The following NOL4 variants were observed in gnomAD, a reference collection of about 807,000 sequenced individuals.
NOL4 encodes nucleolar protein 4.
A neutral mutation model predicts 75.9 loss-of-function variants in NOL4; 17 were observed. The ratio of observed to expected loss-of-function variants is 0.22; its 90% CI spans 0.15 to 0.34. The LOEUF (loss-of-function observed/expected upper bound fraction) is 0.34. NOL4 is among the 10% of genes least tolerant of loss of function. The pLI is 1.00. For missense variants in NOL4, 614 were observed against 793.5 expected (o/e 0.77, Z 2.72); for synonymous variants, 292 against 289.9 (o/e 1.01, Z -0.07).
chr18:33,900,237 A>G (rs1003250927), intron 9 of NOL4, among the ~76,000 whole-genome samples: 10 of 152,126 alleles, frequency 6.6e-5, no homozygotes, highest in African/African-American at 2.4e-4. Flanking sequence ...AGGAGGTACA[A>G]GGCTCTTAAA....
At chr18:34,202,125 C>A (rs1465337585) in intron 1 of NOL4, among the ~76,000 whole-genome samples, 1 of 151,642 alleles carries the variant, frequency 6.6e-6, no homozygotes, top group South Asian at 2.1e-4. Context: ...TTTGTATTGA[C>A]CTAAAAGAAA....
chr18:34,149,899 C>A (rs1331280113), intron 1 of NOL4, among the ~76,000 whole-genome samples: 2 of 151,582 alleles, frequency 1.3e-5, no homozygotes, highest in Non-Finnish European at 3.0e-5. Context: ...ATTTATACCT[C>A]TATAACCTGG....
At chr18:34,204,778 C>A (rs1045902971) in intron 1 of NOL4, among the ~76,000 whole-genome samples, 17 of 151,738 alleles carry the variant, frequency 1.1e-4, no homozygotes, top group African/African-American at 3.9e-4. Context: ...GGTGACAATA[C>A]TAAGTAAAAA....
chr18:34,188,115 C>T (rs1361343740), intron 1 of NOL4, among the ~76,000 whole-genome samples: 2 of 152,140 alleles, frequency 1.3e-5, no homozygotes, highest in African/African-American at 4.8e-5. Flanking sequence ...CACTGTGTAT[C>T]CATGTTAATT....
intron 4 of NOL4, among the ~76,000 whole-genome samples, chr18:34,093,818 T>C (rs2078639971): frequency 6.6e-6 from 1 of 152,138 alleles, no homozygotes; most frequent in African/African-American, 2.4e-5. Flanking sequence ...GGAGGGCAGA[T>C]CACGAGGTCA....
chr18:34,048,058 C>T (rs1568271392), intron 5 of NOL4, among the ~76,000 whole-genome samples: 2 of 152,048 alleles, frequency 1.3e-5, no homozygotes, highest in Non-Finnish European at 2.9e-5. Context: ...AATTTCATCA[C>T]TTTTGGTGTT....
intron 5 of NOL4, among the ~76,000 whole-genome samples, chr18:34,042,094 T>C (rs2076166872): frequency 6.6e-6 from 1 of 152,014 alleles, no homozygotes; most frequent in Non-Finnish European, 1.5e-5. Context: ...GTTCTGAATA[T>C]ACTTTAGTAA....
At chr18:33,903,509 G>A (rs1599811324) in intron 9 of NOL4, among the ~76,000 whole-genome samples, 2 of 152,158 alleles carry the variant, frequency 1.3e-5, no homozygotes, top group South Asian at 4.1e-4. Flanking sequence ...TCTAAAGAAG[G>A]CACTCACTCC....
At chr18:33,968,767 G>A (rs563609508) in intron 6 of NOL4, among the ~76,000 whole-genome samples, 10 of 152,034 alleles carry the variant, frequency 6.6e-5, no homozygotes, top group South Asian at 2.1e-4. Flanking sequence ...CATGTACCCC[G>A]GGAATCTAAT....
At chr18:34,099,896 G>A (rs1012738989) in intron 4 of NOL4, among the ~76,000 whole-genome samples, 1 of 152,014 alleles carries the variant, frequency 6.6e-6, no homozygotes. Flanking sequence ...ACATAGAGAT[G>A]AGCAATTATT....
intron 10 of NOL4, among the ~76,000 whole-genome samples, chr18:33,865,572 T>C (rs185324878): frequency 6.6e-6 from 1 of 152,088 alleles, no homozygotes; most frequent in East Asian, 1.9e-4. Context: ...AAAAAAAAAC[T>C]ACATTTTATT....
Position 34,223,030 on chromosome 18 carries a change from C to A in NOL4, c.224G>T (p.Gly75Val), listed in dbSNP as rs781459896. Residue 75 changes from glycine (G) to valine (V), a missense_variant, in exon 1 of 11, where the codon GGC becomes GTC. By Grantham distance (109) the Gly-to-Val change is moderately radical. Coordinates refer to ENST00000261592, the MANE Select transcript of NOL4 (RefSeq NM_003787.5). Reference sequence around the variant, plus strand: ...CACGTAGAGCACTTGCTTGGCGCCGCCGCCTCCCCCGCGGACCTCGTCCGG... The same window carrying A: ...CACGTAGAGCACTTGCTTGGCGCCGACGCCTCCCCCGCGGACCTCGTCCGG... Reference protein sequence around the residue: ...GQPDEVRGGGGGAKQVLYVPV... With the variant: ...GQPDEVRGGGVGAKQVLYVPV... The A allele has an allele frequency of 9.9e-6, 16 of 1,612,720 alleles. No homozygotes were observed. The East Asian group carries it at 3.3e-4, about 34-fold the overall frequency.
chr18:34,088,265 G>A (rs1445344551), intron 5 of NOL4, among the ~76,000 whole-genome samples: 2 of 151,970 alleles, frequency 1.3e-5, no homozygotes, highest in Non-Finnish European at 2.9e-5. Context: ...TCTTTTGCCA[G>A]ATATTTTTTA....
intron 6 of NOL4, among the ~76,000 whole-genome samples, chr18:34,012,173 T>G (rs1057301812): frequency 2.6e-5 from 4 of 151,874 alleles, no homozygotes; most frequent in Admixed American, 2.0e-4. Flanking sequence ...AAAAGGACAC[T>G]GATTTGGGTG....
intron 9 of NOL4, among the ~76,000 whole-genome samples, chr18:33,887,377 G>A (rs1019691667): frequency 6.7e-6 from 1 of 150,360 alleles, no homozygotes; most frequent in Non-Finnish European, 1.5e-5. Flanking sequence ...TTTTAATTCT[G>A]AAAGTTATTC....
At chr18:34,140,527 G>A (rs910555148) in intron 1 of NOL4, among the ~76,000 whole-genome samples, 1 of 151,894 alleles carries the variant, frequency 6.6e-6, no homozygotes, top group Non-Finnish European at 1.5e-5. Flanking sequence ...TTTTCCATTT[G>A]CTTGGTAGAT....
intron 10 of NOL4, among the ~76,000 whole-genome samples, chr18:33,867,349 C>T (rs1398376666): frequency 6.6e-6 from 1 of 152,072 alleles, no homozygotes; most frequent in African/African-American, 2.4e-5. Flanking sequence ...GTTATCAGTG[C>T]TCTAACAAAG....
At chr18:34,008,371 G>GTCTATCTA (rs10656153) in intron 6 of NOL4, among the ~76,000 whole-genome samples, 43,659 of 147,408 alleles carry the variant, frequency 0.3, 6,694 homozygotes, top group East Asian at 0.4. Context: ...CTATCTGTCT[G>GTCTATCTA]TCTATCTATC....
chr18:34,077,480 T>A (rs2077800633), intron 5 of NOL4, among the ~76,000 whole-genome samples: 2 of 152,056 alleles, frequency 1.3e-5, no homozygotes, highest in Non-Finnish European at 2.9e-5. Flanking sequence ...AATGTGTATA[T>A]ATCCACACAT....
Sources: allele counts gnomAD v4.1 joint callset (sites outside exome capture counted in the v4.1 genomes callset), GRCh38; gene constraint gnomAD v4.1.1; transcripts MANE v1.5; gene names NCBI Gene and HGNC (gene_info 2026-07-23, HGNC 2026-07-21).